The following PRKCZ variants were observed in gnomAD, a reference collection of about 807,000 sequenced individuals.
PRKCZ encodes the protein protein kinase C zeta type.
A neutral mutation model predicts 79.5 loss-of-function variants in PRKCZ; 33 were observed. That is an observed-to-expected ratio of 0.41 (90% CI 0.31 to 0.55). PRKCZ has a LOEUF of 0.55. PRKCZ is among the 20% of genes least tolerant of loss of function. PRKCZ has a pLI of 0.19. For synonymous variants in PRKCZ, 342 were observed against 320.9 expected (o/e 1.07, Z -0.70); for missense variants, 578 against 813.5 (o/e 0.71, Z 3.52).
intron 11 of PRKCZ, among the ~76,000 whole-genome samples, chr1:2,170,342 G>T (rs554505308): frequency 6.6e-6 from 1 of 152,188 alleles, no homozygotes; most frequent in Non-Finnish European, 1.5e-5. Flanking sequence ...GACCTTTCCT[G>T]TCTTTTGTAG....
intron 4 of PRKCZ, among the ~76,000 whole-genome samples, chr1:2,124,191 C>T (rs75534024): frequency 7.1e-4 from 4 of 5,640 alleles, no homozygotes; most frequent in African/African-American, 5.8e-3. Flanking sequence ...AGGGTCACGG[C>T]TGTAGTTAGG....
At chr1:2,071,051 C>CACCTGGGCGTGTG (rs142717180) in intron 4 of PRKCZ, among the ~76,000 whole-genome samples, 31,112 of 151,726 alleles carry the variant, frequency 0.21, 3,914 homozygotes, top group East Asian at 0.61. Flanking sequence ...GCAGCCAGTA[C>CACCTGGGCGTGTG]ACCTGGGCGT....
chr1:2,080,348 G>A lies in PRKCZ; in HGVS notation c.334+20757G>A, dbSNP rs192887352. 1.1e-3 allele frequency among the ~76,000 whole-genome samples: 171 copies of A among 152,276 alleles called. 1 individual carries two copies. The highest frequency in any genetic ancestry group is 3.9e-3 in the African/African-American group (163 of 41,556). On this transcript the variant is annotated intron_variant, in intron 4 of 17. Coordinates refer to ENST00000378567, the MANE Select transcript of PRKCZ (RefSeq NM_002744.6). ...GCAGTGCGCGTGGACGTGGCGGTGC[G>A]CGTGGACGTGGCAGGTGTGGACCAG...
rs542275646 is a variant in PRKCZ, at chr1:2,174,152, T to G, written c.1405+136T>G. 1.6e-4 allele frequency: 197 copies of G among 1,210,318 alleles called. No individual in the cohort carries two copies. Among genetic ancestry groups the G allele is most frequent in the Non-Finnish European group, 1.9e-4 (168 of 907,612 alleles). The allele number at this position is 1,210,318 out of a possible 1,614,324, so 75.0% of individuals were successfully genotyped here. A position where few individuals can be genotyped will look rare whatever the true frequency, so the allele number is the denominator to read the frequency against. On this transcript the variant is annotated intron_variant, in intron 14 of 17. Transcript: ENST00000378567. This position sits in a 1 kb window ranked among gnomAD's most constrained non-coding sequence, Gnocchi z 6.2. ...AAAGCGTACCGGGAACCATTCCTCCTGGCCAGACCCTGTGTCACATGCCAC... is the reference window on the plus strand; with the variant it reads ...AAAGCGTACCGGGAACCATTCCTCCGGGCCAGACCCTGTGTCACATGCCAC...
chr1:2,081,639 G>A (rs1412946088), intron 4 of PRKCZ, among the ~76,000 whole-genome samples: 1 of 152,172 alleles, frequency 6.6e-6, no homozygotes, highest in African/African-American at 2.4e-5. Context: ...GCCCGGACTT[G>A]GTGGCGTGGT....
In PRKCZ at chr1:2,175,145, G is replaced by C. The variant is rs564735402; in HGVS notation, c.1486-79G>C. On this transcript the variant is annotated intron_variant, in intron 15 of 17. Coordinates refer to ENST00000378567, the MANE Select transcript of PRKCZ (RefSeq NM_002744.6). ...ATCGGGGGAGGGCTTGTCAGCACTG[G>C]GAGTGGCCACCAAGGAGAGGGGGTC... 56 of 1,240,204 alleles carry C rather than the reference G, an allele frequency of 4.5e-5. 1 individual carries two copies. In the East Asian group the frequency reaches 1.2e-3, roughly 26 times the overall value. The allele number at this position is 1,240,204 out of a possible 1,614,324, so 76.8% of individuals were successfully genotyped here.
chr1:2,105,524 C>T (rs542849154), intron 4 of PRKCZ, among the ~76,000 whole-genome samples: 62 of 152,296 alleles, frequency 4.1e-4, no homozygotes, highest in African/African-American at 1.5e-3. Context: ...CTCGGCCTCC[C>T]GAGTAGCTGG....
chr1:2,064,824 T>A (rs1660985895), intron 4 of PRKCZ, among the ~76,000 whole-genome samples: 1 of 152,214 alleles, frequency 6.6e-6, no homozygotes, highest in Non-Finnish European at 1.5e-5. Flanking sequence ...TTTTCAAGAT[T>A]GTTTTGGGGT....
chr1:2,112,039 A>G (rs561474077), intron 4 of PRKCZ, among the ~76,000 whole-genome samples: 1 of 152,266 alleles, frequency 6.6e-6, no homozygotes, highest in East Asian at 1.9e-4. Flanking sequence ...AGTCATTTTC[A>G]TGAATCTGCT....
chr1:2,112,316 C>G (rs1235789355), intron 4 of PRKCZ, among the ~76,000 whole-genome samples: 1 of 152,228 alleles, frequency 6.6e-6, no homozygotes, highest in Non-Finnish European at 1.5e-5. Flanking sequence ...ACACAGAGGC[C>G]TCAAACGGCA....
intron 10 of PRKCZ, among the ~76,000 whole-genome samples, chr1:2,159,975 C>T (rs543583991): frequency 6.6e-6 from 1 of 152,318 alleles, no homozygotes; most frequent in South Asian, 2.1e-4. Context: ...CACTAAGGCA[C>T]GGTGATCTCA....
At chr1:2,058,306 A>ATTTT (rs35722361) in intron 3 of PRKCZ, among the ~76,000 whole-genome samples, 1,444 of 125,306 alleles carry the variant, frequency 0.012, 34 homozygotes, top group African/African-American at 0.041. Context: ...CCCGGCCCCA[A>ATTTT]TTTTTTTTTT....
intron 10 of PRKCZ, among the ~76,000 whole-genome samples, chr1:2,162,958 C>T (rs1033952227): frequency 1.3e-5 from 2 of 151,774 alleles, no homozygotes; most frequent in African/African-American, 4.9e-5. Context: ...CTGAGTTCTT[C>T]CTTGTAGTAA....
intron 16 of PRKCZ, among the ~76,000 whole-genome samples, chr1:2,176,324 G>A (rs527271848): frequency 6.6e-6 from 1 of 152,142 alleles, no homozygotes; most frequent in Non-Finnish European, 1.5e-5. Context: ...GTTAAGGCAG[G>A]TAAGGCTGCG....
chr1:2,158,593 G>T (rs918143691), intron 10 of PRKCZ, among the ~76,000 whole-genome samples: 1 of 152,226 alleles, frequency 6.6e-6, no homozygotes, highest in African/African-American at 2.4e-5. Flanking sequence ...GGGGAAGGCA[G>T]CCCGGCCCCC....
At chr1:2,054,564 C>G (rs374388137) in intron 1 of PRKCZ, among the ~76,000 whole-genome samples, 1 of 151,224 alleles carries the variant, frequency 6.6e-6, no homozygotes, top group African/African-American at 2.4e-5. Flanking sequence ...CTGTGTGACT[C>G]GGTTTTAAAA....
At chr1:2,138,913 C>T (rs1409432950) in intron 5 of PRKCZ, among the ~76,000 whole-genome samples, 1 of 152,194 alleles carries the variant, frequency 6.6e-6, no homozygotes, top group Non-Finnish European at 1.5e-5. Flanking sequence ...CAGAGTGAGA[C>T]TCCGTCTCAA....
At chr1:2,126,584 A>G (rs3128291) in intron 4 of PRKCZ, among the ~76,000 whole-genome samples, 138,371 of 152,236 alleles carry the variant, frequency 0.91, 62,974 homozygotes, top group Admixed American at 0.93. Flanking sequence ...AAATGCCCTC[A>G]TTTGATTGGC....
rs550060058 is a variant in PRKCZ, at chr1:2,177,902, C to T, written c.1575+2589C>T. On this transcript the variant is annotated intron_variant, in intron 16 of 17. Transcript: ENST00000378567. This position sits in a 1 kb window ranked among gnomAD's most constrained non-coding sequence, Gnocchi z 6.4. ...CGACTGCCAGCCCTGCCTCTGCCAC[C>T]GACCGCCGGCCCTGCCTCTGCCACC... Among the ~76,000 whole-genome samples, 17 of 150,564 alleles carry T rather than the reference C, an allele frequency of 1.1e-4. No homozygotes were observed. The East Asian group carries it at 2.7e-3, about 24-fold the overall frequency.
Sources: gnomAD v4.1 joint callset for allele counts (sites outside exome capture counted in the v4.1 genomes callset) on GRCh38, gnomAD v4.1.1 for gene constraint, Gnocchi (gnomAD v3.1) non-coding constraint, MANE v1.5 for transcripts, NCBI Gene and HGNC (gene_info 2026-07-23, HGNC 2026-07-21) for gene names.